Variants in ZNF503 observed in about 807,000 individuals in gnomAD.
ZNF503 encodes zinc finger protein 503, also known as NocA-like zinc finger 2.
Under a neutral mutation model 34.4 loss-of-function variants are expected in ZNF503, and 15 were observed. That is an observed-to-expected ratio of 0.44 (90% CI 0.29 to 0.67). ZNF503 has a LOEUF of 0.67. ZNF503 is among the 30% of genes least tolerant of loss of function. ZNF503 has a pLI of 0.13. For synonymous variants in ZNF503, 580 were observed against 456.8 expected, an observed-to-expected ratio of 1.27 and a Z score of -3.44; for missense variants, 1,007 against 926.8, an observed-to-expected ratio of 1.09 and a Z score of -1.12.
the ZNF503 span, chr10:75,350,413 GT>G: frequency 6.6e-6 from 1 of 152,192 alleles, no homozygotes; most frequent in Non-Finnish European, 1.5e-5. Flanking sequence ...TGGTCACCGT[GT>G]GAAACCTGAA....
the ZNF503 span, among the ~76,000 whole-genome samples, chr10:75,297,049 C>A: frequency 4.9e-4 from 75 of 152,170 alleles, no homozygotes; most frequent in Non-Finnish European, 9.6e-4. Flanking sequence ...CAACTGTGAC[C>A]TTGCCCTTCT....
the ZNF503 span, among the ~76,000 whole-genome samples, chr10:75,367,859 C>T: frequency 6.6e-6 from 1 of 152,174 alleles, no homozygotes; most frequent in Non-Finnish European, 1.5e-5. Context: ...CCACACCTCC[C>T]CCTTATTTAG....
At chr10:75,307,784 A>G in the ZNF503 span, among the ~76,000 whole-genome samples, 1 of 152,222 alleles carries the variant, frequency 6.6e-6, no homozygotes, top group African/African-American at 2.4e-5. Context: ...AGGGCCCTTA[A>G]GAATTATGGT....
chr10:75,376,821 G>A, the ZNF503 span, among the ~76,000 whole-genome samples: 155 of 152,184 alleles, frequency 1.0e-3, no homozygotes, highest in African/African-American at 3.3e-3. Context: ...GGCGAAGGGG[G>A]AAGCTCCTTA....
At chr10:75,311,670 CA>C in the ZNF503 span, among the ~76,000 whole-genome samples, 1,872 of 109,234 alleles carry the variant, frequency 0.017, 24 homozygotes, top group East Asian at 0.029. Flanking sequence ...CTAAAAATAC[CA>C]AAAAAAAAAA....
the ZNF503 span, among the ~76,000 whole-genome samples, chr10:75,362,787 T>C: frequency 6.6e-6 from 1 of 152,106 alleles, no homozygotes; most frequent in Non-Finnish European, 1.5e-5. Context: ...TCAGAAGACA[T>C]TAGAGTCAGG....
chr10:75,369,769 T>C, the ZNF503 span, among the ~76,000 whole-genome samples: 1 of 152,198 alleles, frequency 6.6e-6, no homozygotes, highest in Non-Finnish European at 1.5e-5. Flanking sequence ...AGAATCTGGA[T>C]AGATATGAAG....
the ZNF503 span, among the ~76,000 whole-genome samples, chr10:75,280,818 A>G: frequency 6.6e-6 from 1 of 151,882 alleles, no homozygotes; most frequent in Admixed American, 6.6e-5. Context: ...GCCATGAAGG[A>G]CTCCTCTGAA....
In ZNF503 at chr10:75,399,125, T is replaced by C. The variant is rs772806840; in HGVS notation, c.1565A>G (p.Asn522Ser). Residue 522 changes from asparagine (N) to serine (S), a missense_variant, in exon 2 of 2, where the codon AAC becomes AGC. By Grantham distance (46) the Asn-to-Ser change is conservative (BLOSUM62 1). Coordinates refer to ENST00000372524, the MANE Select transcript of ZNF503 (RefSeq NM_032772.6). ...LPHICNWVSA[N>S]GPCDKRFATS... ...GGCGAAGCGCTTGTCGCACGGCCCGTTGGCCGACACCCAGTTGCAGATGTG... is the reference window on the plus strand; with the variant it reads ...GGCGAAGCGCTTGTCGCACGGCCCGCTGGCCGACACCCAGTTGCAGATGTG... The C allele has an allele frequency of 6.2e-6, 10 of 1,613,664 alleles. No homozygotes were observed. Among genetic ancestry groups the C allele is most frequent in the East Asian group, 2.2e-5 (1 of 44,862 alleles).
chr10:75,285,614 C>T, the ZNF503 span, among the ~76,000 whole-genome samples: 2 of 152,214 alleles, frequency 1.3e-5, no homozygotes, highest in Non-Finnish European at 2.9e-5. Context: ...CTCCTGATTC[C>T]ATTCAGGGAC....
At chr10:75,383,263 T>C in the ZNF503 span, among the ~76,000 whole-genome samples, 2 of 152,208 alleles carry the variant, frequency 1.3e-5, no homozygotes, top group South Asian at 4.1e-4. Flanking sequence ...CCCATCCATC[T>C]AGGGCTGGGG....
At position 75,399,319 on chromosome 10, in the gene ZNF503, A is replaced by G. The variant is rs1432177724; in HGVS notation, c.1371T>C (p.Ala457=). ...ATCCGGACTTCAGCGCCGCAGCCGC[A>G]GCAGCCGGATCATGTGCGCAAGAAG... is the stretch of plus-strand genomic sequence containing the variant. ...ASASCAHDPA[A]AAAALKSGYP... Residue 457 remains alanine (A), a synonymous_variant, in exon 2 of 2, where the codon GCT becomes GCC. Transcript: ENST00000372524. The G allele has an allele frequency of 1.9e-5, 31 of 1,603,646 alleles. No individual in the cohort carries two copies. Among genetic ancestry groups the G allele is most frequent in the Non-Finnish European group, 2.5e-5 (30 of 1,176,834 alleles).
the ZNF503 span, among the ~76,000 whole-genome samples, chr10:75,379,778 A>G: frequency 6.6e-6 from 1 of 152,256 alleles, no homozygotes; most frequent in African/African-American, 2.4e-5. Context: ...TGCAGGTATG[A>G]TTATCATAAA....
At chr10:75,400,778 G>A (rs933731254) in intron 1 of ZNF503, among the ~76,000 whole-genome samples, 6 of 152,226 alleles carry the variant, frequency 3.9e-5, no homozygotes, top group Non-Finnish European at 7.3e-5. Context: ...TGGCTTCTGC[G>A]GATACGAAGG....
the ZNF503 span, among the ~76,000 whole-genome samples, chr10:75,313,619 T>C: frequency 6.6e-6 from 1 of 152,232 alleles, no homozygotes; most frequent in Non-Finnish European, 1.5e-5. Flanking sequence ...AGCTTCCACA[T>C]GAACCCACTT....
chr10:75,356,215 TTTTATGTA>T, the ZNF503 span, among the ~76,000 whole-genome samples: 4 of 152,220 alleles, frequency 2.6e-5, no homozygotes, highest in African/African-American at 9.6e-5. Flanking sequence ...TTTTTTAAAA[TTTTATGTA>T]TTTATTTTTT....
the ZNF503 span, chr10:75,288,596 AT>A: frequency 1.3e-5 from 2 of 152,662 alleles, no homozygotes; most frequent in African/African-American, 4.8e-5. Flanking sequence ...GGACACTCCG[AT>A]TTGCCACCAC....
chr10:75,294,180 C>T, the ZNF503 span, among the ~76,000 whole-genome samples: 11 of 152,332 alleles, frequency 7.2e-5, no homozygotes, highest in African/African-American at 2.4e-4. Flanking sequence ...GGGCAGATCT[C>T]ATTTCCTGGT....
At chr10:75,281,260 G>A in the ZNF503 span, among the ~76,000 whole-genome samples, 1 of 152,242 alleles carries the variant, frequency 6.6e-6, no homozygotes, top group South Asian at 2.1e-4. Context: ...TGGGGCTATA[G>A]GACTCAGAAA....
Sources: gnomAD v4.1 joint callset for allele counts (sites outside exome capture counted in the v4.1 genomes callset) on GRCh38, gnomAD v4.1.1 for gene constraint, MANE v1.5 for transcripts, NCBI Gene and HGNC (gene_info 2026-07-23, HGNC 2026-07-21) for gene names.